Variants in ARHGEF17 observed in about 807,000 individuals in gnomAD.
ARHGEF17 encodes 164 kDa Rho-specific guanine-nucleotide exchange factor.
In ARHGEF17, 80 loss-of-function variants were observed where a neutral mutation model predicts 174.0. That is an observed-to-expected ratio of 0.46 (90% CI 0.38 to 0.55). The LOEUF (loss-of-function observed/expected upper bound fraction) is 0.55, where lower values mean the gene tolerates loss of function less well. Ranked by LOEUF, ARHGEF17 falls within the 20% of genes least tolerant of loss-of-function variation. The pLI is 0.00. For synonymous variants in ARHGEF17, 1,311 were observed against 1,189.1 expected, an observed-to-expected ratio of 1.10 and a Z score of -2.11; for missense variants, 2,886 against 2,839.7, an observed-to-expected ratio of 1.02 and a Z score of -0.37.
Position 73,344,676 on chromosome 11 carries a change from G to A in ARHGEF17, c.3193-2207G>A, listed in dbSNP as rs577294279. 1.7e-4 allele frequency among the ~76,000 whole-genome samples: 26 copies of A among 152,336 alleles called. No homozygotes were observed. The South Asian group carries it at 3.7e-3, about 22-fold the overall frequency. ...GCGTGTGGACAGAGCTGCTCTGCTC[G>A]CTGCCGCCTTTGCCTTCACGGTGAT... On this transcript the variant is annotated intron_variant, in intron 1 of 20. Transcript: ENST00000263674.
At chr11:73,329,322 CATATATAT>C (rs1164051322) in intron 1 of ARHGEF17, among the ~76,000 whole-genome samples, 5 of 15,306 alleles carry the variant, frequency 3.3e-4, no homozygotes, top group East Asian at 2.4e-3. Context: ...TGAGAGCTTT[CATATATAT>C]ATATATATAT....
chr11:73,367,480 C>T, intron 20 of ARHGEF17, 104 bp from the exon 21 acceptor site: 4 of 992,882 alleles, frequency 4.0e-6, no homozygotes, highest in Non-Finnish European at 4.5e-6. Context: ...AGGAAGTGTG[C>T]ACATCTTCCT....
chr11:73,309,753 T>G lies in ARHGEF17; in HGVS notation c.1115T>G (p.Val372Gly). The G allele has an allele frequency of 6.2e-7, 1 of 1,612,812 alleles. No homozygotes were observed. The highest frequency in any genetic ancestry group is 8.5e-7 in the Non-Finnish European group (1 of 1,179,792). ...MSDSVGGAFR[V>G]AKVSFPSYLA... ...GACTCTGTGGGAGGAGCTTTCCGTG[T>G]GGCCAAGGTGAGCTTTCCCTCGTAC... Residue 372 changes from valine to glycine, a missense_variant, in exon 1 of 21, where the codon GTG (valine) becomes GGG (glycine). Val to Gly is a moderately radical substitution (Grantham distance 109, BLOSUM62 -3). Transcript: ENST00000263674.
At chr11:73,364,765 C>G (rs1565211242) in intron 18 of ARHGEF17, 165 bp downstream of exon 18, 1 of 827,266 alleles carries the variant, frequency 1.2e-6, no homozygotes, top group Non-Finnish European at 1.8e-6. Flanking sequence ...CTTCGATCCT[C>G]ATTTCTTCTG....
chr11:73,361,883 G>A (rs1210545113), intron 12 of ARHGEF17, among the ~76,000 whole-genome samples, 157 bp from the exon 13 acceptor site: 2 of 150,174 alleles, frequency 1.3e-5, no homozygotes, highest in East Asian at 1.9e-4. Flanking sequence ...TGTGCCGCGT[G>A]TATGTGTACG....
chr11:73,360,647 G>A (rs912653530), intron 11 of ARHGEF17, 114 bp downstream of exon 11: 25 of 1,108,234 alleles, frequency 2.3e-5, no homozygotes, highest in Admixed American at 1.2e-4. Flanking sequence ...CCTGTGCTCC[G>A]GCTCCACCTG....
rs1223334746 is a variant in ARHGEF17, at chr11:73,328,926, C to T, written c.3192+17096C>T. ...CTAGGAGAGAGAGTCATGGAGGGAG[C>T]CTAGAGAGGCAGGATGGAGAAGGAA... is the stretch of plus-strand genomic sequence containing the variant. On this transcript the variant is annotated intron_variant, in intron 1 of 20. Coordinates refer to ENST00000263674, the MANE Select transcript of ARHGEF17 (RefSeq NM_014786.4). Among the ~76,000 whole-genome samples the T allele has an allele frequency of 3.3e-5, 5 of 151,900 alleles. No homozygotes were observed. In the East Asian group the frequency reaches 9.7e-4, roughly 29 times the overall value.
chr11:73,311,682 A>C lies in ARHGEF17; in HGVS notation c.3044A>C (p.His1015Pro). 6.2e-7 allele frequency: 1 copy of C among 1,613,294 alleles called. No individual in the cohort carries two copies. Among genetic ancestry groups the C allele is most frequent in the Non-Finnish European group, 8.5e-7 (1 of 1,180,010 alleles). ...ACCAAGCAGTACATGCTGAACCTGCACTCCGGTGAGGTCCCTGCCCCAGTG... is the reference window on the plus strand; with the variant it reads ...ACCAAGCAGTACATGCTGAACCTGCCCTCCGGTGAGGTCCCTGCCCCAGTG... ...DVTKQYMLNL[H>P]SGEVPAPVPV... The change falls in exon 1 of 21, where the codon CAC (histidine) becomes CCC (proline). Residue 1015 changes from histidine (H) to proline (P), a missense_variant. Around this residue, in one of 4 missense-constraint regions of ARHGEF17, gnomAD observed 1,728 missense variants for 1,461.2 expected, o/e 1.18. Transcript: ENST00000263674.
intron 1 of ARHGEF17, among the ~76,000 whole-genome samples, chr11:73,334,042 T>C (rs1865250694): frequency 6.6e-6 from 1 of 152,236 alleles, no homozygotes; most frequent in African/African-American, 2.4e-5. Flanking sequence ...GTCTCTGTTG[T>C]AGGCATGGAA....
intron 1 of ARHGEF17, among the ~76,000 whole-genome samples, chr11:73,318,972 C>T (rs1402072327): frequency 6.6e-6 from 1 of 152,244 alleles, no homozygotes; most frequent in African/African-American, 2.4e-5. Context: ...ACCATCCTCT[C>T]CTGGCTGCCA....
At chr11:73,326,102 A>G (rs756967931) in intron 1 of ARHGEF17, among the ~76,000 whole-genome samples, 4 of 152,226 alleles carry the variant, frequency 2.6e-5, no homozygotes, top group Non-Finnish European at 4.4e-5. Flanking sequence ...CAGGGTTAGC[A>G]TGGGGGCCGC....
Position 73,365,208 on chromosome 11 carries a change from C to T in ARHGEF17, c.5551-182C>T. 5 of 638,982 alleles carry T rather than the reference C, an allele frequency of 7.8e-6. No homozygotes were observed. The highest frequency in any genetic ancestry group is 1.3e-5 in the Non-Finnish European group (5 of 371,378). The allele number at this position is 638,982 out of a possible 1,614,324, so 39.6% of individuals were successfully genotyped here. ...AAGTTTAATGGGGAAAAAGCACCTC[C>T]ATTGTAATTCCTGAGAACTAAGTTG... On this transcript the variant is annotated intron_variant, in intron 18 of 20. Coordinates refer to ENST00000263674, the MANE Select transcript of ARHGEF17 (RefSeq NM_014786.4). This position sits in a 1 kb window ranked among gnomAD's most constrained non-coding sequence, Gnocchi z 4.9.
chr11:73,313,274 G>T (rs1864871597), intron 1 of ARHGEF17, among the ~76,000 whole-genome samples: 1 of 152,134 alleles, frequency 6.6e-6, no homozygotes, highest in African/African-American at 2.4e-5. Context: ...AGTGAGGGCA[G>T]CTCCGGTGCC....
In ARHGEF17 at chr11:73,367,684, C is replaced by G. The variant is rs776335376; in HGVS notation, c.6096C>G (p.Gly2032=). ...TGCTGGTTATCAGTGGAGGTGATGG[C>G]TATGAGGACTTCCGACTCAGCAGTG... The part of the protein sequence containing the change: ...PKMLVISGGD[G]YEDFRLSSGG... The change falls in exon 21 of 21, where the codon GGC becomes GGG. Residue 2032 remains glycine, a synonymous_variant. Coordinates refer to ENST00000263674, the MANE Select transcript of ARHGEF17 (RefSeq NM_014786.4). 4 of 1,614,118 alleles carry G rather than the reference C, an allele frequency of 2.5e-6. No individual in the cohort carries two copies. Among genetic ancestry groups the G allele is most frequent in the East Asian group, 2.2e-5 (1 of 44,890 alleles).
In ARHGEF17 at chr11:73,309,131, T is replaced by G. The variant is rs1591711330; in HGVS notation, c.493T>G (p.Ser165Ala). The change falls in exon 1 of 21, where the codon TCG becomes GCG. Residue 165 changes from serine (S) to alanine (A), a missense_variant. By Grantham distance (99) the Ser-to-Ala change is moderately conservative (BLOSUM62 1). Around this residue, in one of 4 missense-constraint regions of ARHGEF17, gnomAD observed 1,728 missense variants for 1,461.2 expected, o/e 1.18. Coordinates refer to ENST00000263674, the MANE Select transcript of ARHGEF17 (RefSeq NM_014786.4). Reference sequence around the variant, plus strand: ...CGCGTGGGAGCCTCCGGCTCGGGAGTCGCGGCAGCCACCGACGCCACCCCC... The same window carrying G: ...CGCGTGGGAGCCTCCGGCTCGGGAGGCGCGGCAGCCACCGACGCCACCCCC... ...GAAWEPPARE[S>A]RQPPTPPPRT... 1 of 1,563,816 alleles carries G rather than the reference T, an allele frequency of 6.4e-7. No homozygotes were observed. The highest frequency in any genetic ancestry group is 1.2e-5 in the South Asian group (1 of 86,200).
At position 73,310,666 on chromosome 11, in the gene ARHGEF17, C is replaced by G. The variant is rs143223501; in HGVS notation, c.2028C>G (p.Ala676=). The G allele has an allele frequency of 3.6e-4, 579 of 1,613,958 alleles. 2 individuals carry two copies. In the African/African-American group the frequency reaches 7.2e-3, roughly 20 times the overall value. Residue 676 remains alanine, a synonymous_variant, in exon 1 of 21, where the codon GCC becomes GCG. Coordinates refer to ENST00000263674, the MANE Select transcript of ARHGEF17 (RefSeq NM_014786.4). The part of the protein sequence containing the change: ...GMWRPLSSSS[A]QTNHHGPGTE... Reference sequence around the variant, plus strand: ...GGCGACCTCTTTCCTCATCCTCGGCCCAGACGAACCACCATGGCCCTGGGA... The same window carrying G: ...GGCGACCTCTTTCCTCATCCTCGGCGCAGACGAACCACCATGGCCCTGGGA...
intron 20 of ARHGEF17, 116 bp downstream of exon 20, chr11:73,366,063 G>C: frequency 7.5e-7 from 1 of 1,339,484 alleles, no homozygotes; most frequent in Non-Finnish European, 1.0e-6. Context: ...AGAGCTGGAG[G>C]TGGCATATGT....
rs1295871539 is a variant in ARHGEF17 at position 73,363,417 on chromosome 11, C to T, written c.5208C>T (p.Ala1736=). 6.2e-7 allele frequency: 1 copy of T among 1,613,416 alleles called. No homozygotes were observed. Among genetic ancestry groups the T allele is most frequent in the Non-Finnish European group, 8.5e-7 (1 of 1,179,920 alleles). Residue 1736 remains alanine, a synonymous_variant, in exon 15 of 21, where the codon GCC becomes GCT. Coordinates refer to ENST00000263674, the MANE Select transcript of ARHGEF17 (RefSeq NM_014786.4). ...ACCTGCTGAGTGTCGACCCTGAGGC[C>T]TACCAGAGCTCCGTGTGGCTGGGCA... ...LEDLLSVDPE[A]YQSSVWLGTE... is the part of the protein sequence containing the mutation.
intron 11 of ARHGEF17, 138 bp from the exon 12 acceptor site, chr11:73,360,950 T>A: frequency 1.5e-6 from 1 of 670,468 alleles, no homozygotes; most frequent in East Asian, 2.7e-5. Flanking sequence ...TGCCTTATTC[T>A]AATGTGGCTG....
Sources: gnomAD v4.1 joint callset for allele counts (sites outside exome capture counted in the v4.1 genomes callset) on GRCh38, gnomAD v4.1.1 for gene constraint, gnomAD v4.1.1 regional missense constraint, Gnocchi (gnomAD v3.1) non-coding constraint, MANE v1.5 for transcripts, NCBI Gene and HGNC (gene_info 2026-07-23, HGNC 2026-07-21) for gene names.